Variants in IL2RB observed in about 807,000 individuals in gnomAD.
IL2RB encodes the protein interleukin 2 receptor subunit beta.
A neutral mutation model predicts 44.2 loss-of-function variants in IL2RB; 17 were observed. The ratio of observed to expected loss-of-function variants is 0.38; its 90% CI spans 0.26 to 0.58. The LOEUF (loss-of-function observed/expected upper bound fraction) is 0.58. Among genes scored for constraint, IL2RB ranks in the 20% least tolerant of loss-of-function variants. IL2RB has a pLI of 0.63. For missense variants in IL2RB, 624 were observed against 685.5 expected, an observed-to-expected ratio of 0.91 and a Z score of 1.00; for synonymous variants, 286 against 297.9, an observed-to-expected ratio of 0.96 and a Z score of 0.41.
intron 1 of IL2RB, among the ~76,000 whole-genome samples, chr22:37,157,985 A>C (rs1922736732): frequency 6.6e-6 from 1 of 152,254 alleles, no homozygotes. Context: ...TTGCCATCAA[A>C]GGCAGGTTGA....
chr22:37,153,775 T>C (rs1569050831), upstream of IL2RB, among the ~76,000 whole-genome samples: 1 of 152,186 alleles, frequency 6.6e-6, no homozygotes, highest in Non-Finnish European at 1.5e-5. Context: ...GGCATGAACA[T>C]ATTTCCTGCC....
chr22:37,137,879 C>T, intron 5 of IL2RB, 144 bp from the exon 6 acceptor site: 1 of 669,194 alleles, frequency 1.5e-6, no homozygotes, highest in Non-Finnish European at 2.6e-6. Context: ...CTCACTGCCT[C>T]CAGGCCTCTC....
At chr22:37,149,412 T>C (rs1922380296) in intron 1 of IL2RB, among the ~76,000 whole-genome samples, 1 of 152,186 alleles carries the variant, frequency 6.6e-6, no homozygotes, top group Non-Finnish European at 1.5e-5. Context: ...CCCCGGTATA[T>C]GGGCCCCACT....
chr22:37,164,625 TCG>T (rs1198494603), intron 1 of IL2RB, among the ~76,000 whole-genome samples: 1 of 151,940 alleles, frequency 6.6e-6, no homozygotes, highest in Non-Finnish European at 1.5e-5. Flanking sequence ...TGTTTCTCTC[TCG>T]CTTGAAATCA....
chr22:37,166,022 CCT>C (rs1424909678), intron 1 of IL2RB, among the ~76,000 whole-genome samples: 1 of 152,190 alleles, frequency 6.6e-6, no homozygotes, highest in Admixed American at 6.5e-5. Context: ...TTCCAGAACT[CCT>C]GTGAACAGGT....
At chr22:37,143,723 C>CA in intron 2 of IL2RB, 88 bp from the exon 3 acceptor site, 1 of 920,850 alleles carries the variant, frequency 1.1e-6, no homozygotes, top group East Asian at 2.4e-5. Context: ...CTGGCACCCA[C>CA]ACCTGCCAGA....
At chr22:37,145,104 C>T (rs529762420) in intron 1 of IL2RB, among the ~76,000 whole-genome samples, 22 of 152,272 alleles carry the variant, frequency 1.4e-4, no homozygotes, top group South Asian at 1.0e-3. Flanking sequence ...GGAGCTGAGG[C>T]AATGGTGTGA....
rs908768690 is a variant in IL2RB at position 37,141,772 on chromosome 22, G to T, written c.282+662C>A. Among the ~76,000 whole-genome samples, 1 of 152,226 alleles carries T rather than the reference G, an allele frequency of 6.6e-6. No homozygotes were observed. The highest frequency in any genetic ancestry group is 6.5e-5 in the Admixed American group (1 of 15,286). ...CTTTAGGCACCAATGAGCACAGGGG[G>T]ATGGGAAGCCACGGGGGTGCAGGGG... On this transcript the variant is annotated intron_variant, in intron 4 of 9. Coordinates refer to ENST00000216223, the MANE Select transcript of IL2RB (RefSeq NM_000878.5). The surrounding 1 kb of genome is among the most constrained non-coding windows in gnomAD (Gnocchi z 4.4).
intron 1 of IL2RB, among the ~76,000 whole-genome samples, chr22:37,158,035 C>G (rs1459391651): frequency 2.0e-5 from 3 of 152,182 alleles, no homozygotes; most frequent in African/African-American, 4.8e-5. Context: ...TCAAGCATCT[C>G]CCTGGAAGGC....
intron 4 of IL2RB, among the ~76,000 whole-genome samples, chr22:37,139,951 A>G (rs1397415105): frequency 6.6e-6 from 1 of 152,240 alleles, no homozygotes. Flanking sequence ...GGGTGACTGC[A>G]TCTCCGAGTC....
Position 37,138,976 on chromosome 22 carries a change from G to A in IL2RB, c.388+141C>T, listed in dbSNP as rs571150813. 344 of 617,408 alleles carry A rather than the reference G, an allele frequency of 5.6e-4. 1 individual carries two copies. Among genetic ancestry groups the A allele is most frequent in the Non-Finnish European group, 8.1e-4 (274 of 339,884 alleles). 38.2% of individuals were successfully genotyped at this position (617,408 alleles called of 1,614,324 possible). A position where few individuals can be genotyped will look rare whatever the true frequency, so the allele number is the denominator to read the frequency against. On this transcript the variant is annotated intron_variant, in intron 5 of 9. Transcript: ENST00000216223. ...GAGGAAGGAGCCAGGACGTCATCCC[G>A]AGAACAGCGGGCGGTGAGGTGATCA...
chr22:37,157,379 C>A (rs1012380074), intron 1 of IL2RB, among the ~76,000 whole-genome samples: 40 of 152,170 alleles, frequency 2.6e-4, no homozygotes, highest in African/African-American at 9.2e-4. Context: ...CAGCCACCTC[C>A]ACGCCAGCCC....
At chr22:37,170,089 A>AATGGATGGATGG (rs541899667) in intron 1 of IL2RB, among the ~76,000 whole-genome samples, 1 of 115,708 alleles carries the variant, frequency 8.6e-6, no homozygotes, top group African/African-American at 4.6e-5. Flanking sequence ...AGGAAGGAAG[A>AATGGATGGATGG]ATGGATGGAT....
rs1569045995 is a variant in IL2RB at position 37,142,414 on chromosome 22, TC to T, written c.282+19del. 3.1e-6 allele frequency: 5 copies of T among 1,611,120 alleles called. No individual in the cohort carries two copies. The highest frequency in any genetic ancestry group is 1.7e-6 in the Non-Finnish European group (2 of 1,177,300). ...GAGACCACCCTCTCCCTGCACTCTC[TC>T]CCTGGGTGGGCTACTCACATCTGGG... On this transcript the variant is annotated intron_variant, in intron 4 of 9. Transcript: ENST00000216223.
chr22:37,157,460 C>T (rs1255129702), intron 1 of IL2RB, among the ~76,000 whole-genome samples: 1 of 152,230 alleles, frequency 6.6e-6, no homozygotes, highest in Non-Finnish European at 1.5e-5. Context: ...ATAGCCACAC[C>T]AGCACCAGCG....
rs773356308 is a variant in IL2RB at position 37,136,306 on chromosome 22, G to T, written c.625C>A (p.Arg209=). The T allele has an allele frequency of 6.2e-7, 1 of 1,612,836 alleles. No homozygotes were observed. The highest frequency in any genetic ancestry group is 8.5e-7 in the Non-Finnish European group (1 of 1,179,658). ...AACTCGCCTTGCAGAGGCTTGACCC[G>T]CACCTGAAACTCATACTGGGTGTCT... ...TPDTQYEFQV[R]VKPLQGEFTT... Residue 209 remains arginine, a synonymous_variant, in exon 7 of 10, where the codon CGG becomes AGG. Transcript: ENST00000216223.
chr22:37,174,021 C>T (rs1923371491), intron 1 of IL2RB, among the ~76,000 whole-genome samples: 1 of 152,212 alleles, frequency 6.6e-6, no homozygotes, highest in African/African-American at 2.4e-5. Context: ...CCCCACCCCA[C>T]CCCAACCTGT....
At chr22:37,163,032 A>G (rs1486130052) in intron 1 of IL2RB, among the ~76,000 whole-genome samples, 1 of 152,150 alleles carries the variant, frequency 6.6e-6, no homozygotes, top group African/African-American at 2.4e-5. Context: ...TTGGAGACCT[A>G]AGTTTGAGCC....
intron 8 of IL2RB, 107 bp downstream of exon 8, chr22:37,135,221 T>C: frequency 2.7e-6 from 2 of 735,648 alleles, no homozygotes; most frequent in Non-Finnish European, 4.9e-6. Flanking sequence ...CATGTAAGTG[T>C]GTGTGTGTGT....
Sources: gnomAD v4.1 joint callset for allele counts (sites outside exome capture counted in the v4.1 genomes callset) on GRCh38, gnomAD v4.1.1 for gene constraint, Gnocchi (gnomAD v3.1) non-coding constraint, MANE v1.5 for transcripts, NCBI Gene and HGNC (gene_info 2026-07-23, HGNC 2026-07-21) for gene names.